Variants in SORCS2 observed in about 807,000 individuals in gnomAD.
The protein encoded by SORCS2 is sortilin related VPS10 domain containing receptor 2, also known as VPS10 domain-containing receptor SorCS2.
In SORCS2, 100 loss-of-function variants were observed where a neutral mutation model predicts 141.6. The ratio of observed to expected loss-of-function variants is 0.71; its 90% CI spans 0.60 to 0.83. SORCS2 has a LOEUF of 0.83. SORCS2 is among the 40% of genes least tolerant of loss of function. The pLI is 0.00. For missense variants in SORCS2, 1,646 were observed against 1,560.2 expected (o/e 1.05, Z -0.93); for synonymous variants, 789 against 676.9 (o/e 1.17, Z -2.57).
intron 17 of SORCS2, 116 bp from the exon 18 acceptor site, chr4:7,717,896 A>AG: frequency 9.0e-7 from 1 of 1,111,624 alleles, no homozygotes; most frequent in Non-Finnish European, 1.2e-6. Context: ...GTAGAGTCCT[A>AG]GGGGTGGGAA....
At chr4:7,204,600 C>T (rs184149113) in intron 1 of SORCS2, among the ~76,000 whole-genome samples, 12 of 152,272 alleles carry the variant, frequency 7.9e-5, no homozygotes, top group Middle Eastern at 3.4e-3. Context: ...ACCCACTTGC[C>T]GGTCAGTAGC....
At chr4:7,709,577 C>T (rs2012275) in intron 14 of SORCS2, among the ~76,000 whole-genome samples, 89,646 of 152,122 alleles carry the variant, frequency 0.59, 27,242 homozygotes, top group African/African-American at 0.76. Flanking sequence ...ATACAAATAA[C>T]TCAAACTGCA....
Position 7,260,454 on chromosome 4 carries a change from G to C in SORCS2, c.480+67328G>C, listed in dbSNP as rs59421365. 2.3e-3 allele frequency among the ~76,000 whole-genome samples: 353 copies of C among 152,318 alleles called. 2 individuals carry two copies. The highest frequency in any genetic ancestry group is 8.2e-3 in the African/African-American group (340 of 41,564). ...CATCAATGGATTGACTGATGGGCTG[G>C]TCTAGGAGTCACTCAACAAACATGT... On this transcript the variant is annotated intron_variant, in intron 1 of 26. Coordinates refer to ENST00000507866, the MANE Select transcript of SORCS2 (RefSeq NM_020777.3).
intron 1 of SORCS2, among the ~76,000 whole-genome samples, chr4:7,326,405 G>T (rs1444330905): frequency 6.6e-6 from 1 of 152,182 alleles, no homozygotes; most frequent in Admixed American, 6.5e-5. Flanking sequence ...AGACTGCAGT[G>T]GTGATGCCAC....
At position 7,192,983 on chromosome 4, in the gene SORCS2, G is replaced by A; in HGVS notation, c.337G>A (p.Gly113Ser). Residue 113 changes from glycine (G) to serine (S), a missense_variant, in exon 1 of 27, where the codon GGC becomes AGC. Physicochemically the swap from Gly to Ser is moderately conservative, Grantham distance 56. Coordinates refer to ENST00000507866, the MANE Select transcript of SORCS2 (RefSeq NM_020777.3). This position sits in a 1 kb window ranked among gnomAD's most constrained non-coding sequence, Gnocchi z 4.0. ...CGGCGAGGACGGCGCCCCCGCCGCGGGCTACCGGCGCTGGGAGCGGGCGGC... is the reference window on the plus strand; with the variant it reads ...CGGCGAGGACGGCGCCCCCGCCGCGAGCTACCGGCGCTGGGAGCGGGCGGC... ...GPGEDGAPAA[G>S]YRRWERAAPL... is the part of the protein sequence containing the mutation. 1 of 1,416,322 alleles carries A rather than the reference G, an allele frequency of 7.1e-7. No individual in the cohort carries two copies. Among genetic ancestry groups the A allele is most frequent in the Non-Finnish European group, 9.1e-7 (1 of 1,093,288 alleles). The allele number at this position is 1,416,322 out of a possible 1,614,324, so 87.7% of individuals were successfully genotyped here.
chr4:7,697,901 A>C (rs1473684646), intron 12 of SORCS2, among the ~76,000 whole-genome samples: 1 of 152,180 alleles, frequency 6.6e-6, no homozygotes, highest in Non-Finnish European at 1.5e-5. Context: ...TCCCACCAGC[A>C]CAGGATGGCC....
chr4:7,658,709 C>A (rs536500932), intron 5 of SORCS2, among the ~76,000 whole-genome samples: 18 of 152,282 alleles, frequency 1.2e-4, no homozygotes, highest in African/African-American at 3.8e-4. Context: ...TATGGATTTC[C>A]CCTGTCCACC....
intron 1 of SORCS2, among the ~76,000 whole-genome samples, chr4:7,247,299 C>T (rs555315730): frequency 2.6e-5 from 4 of 151,176 alleles, no homozygotes; most frequent in Admixed American, 1.3e-4. Flanking sequence ...ATGTTTCTAT[C>T]TTTAATTTTT....
intron 11 of SORCS2, among the ~76,000 whole-genome samples, chr4:7,692,144 G>A (rs1281195779): frequency 6.6e-6 from 1 of 152,212 alleles, no homozygotes; most frequent in Non-Finnish European, 1.5e-5. Context: ...CTCCAGCCCT[G>A]AGCATCTGCT....
rs185868096 is a variant in SORCS2, at chr4:7,402,354, T to C, written c.548+5999T>C. Among the ~76,000 whole-genome samples the C allele has an allele frequency of 1.0e-3, 159 of 152,288 alleles. 2 individuals carry two copies. In the Middle Eastern group the frequency reaches 0.024, roughly 23 times the overall value. ...AAAAACATAAAACACAATATACACA[T>C]CATAATGTATCTTGATTGTCTGTCT... On this transcript the variant is annotated intron_variant, in intron 2 of 26. Transcript: ENST00000507866.
chr4:7,719,901 A>G (rs1250961730), intron 18 of SORCS2, among the ~76,000 whole-genome samples: 1 of 152,136 alleles, frequency 6.6e-6, no homozygotes. Flanking sequence ...GAGAGTGATC[A>G]AAAGATGCTC....
Position 7,363,251 on chromosome 4 carries a change from C to CACCATCATTACTACCATT in SORCS2, c.481-33031_481-33014dup, listed in dbSNP as rs1721701398. Among the ~76,000 whole-genome samples the CACCATCATTACTACCATT allele has an allele frequency of 2.7e-5, 4 of 149,350 alleles. No individual in the cohort carries two copies. The South Asian group carries it at 8.4e-4, about 31-fold the overall frequency. On this transcript the variant is annotated intron_variant, in intron 1 of 26. Transcript: ENST00000507866. ...CCATCATCACCACCATCACCATCAT[C>CACCATCATTACTACCATT]ACCATCATTACTACCATTACCATGA...
At chr4:7,416,597 CTT>C (rs756445156) in intron 2 of SORCS2, among the ~76,000 whole-genome samples, 1 of 152,192 alleles carries the variant, frequency 6.6e-6, no homozygotes, top group Non-Finnish European at 1.5e-5. Context: ...CATGCTCACA[CTT>C]GTGCGTATAC....
At chr4:7,642,877 C>T (rs1437895782) in intron 4 of SORCS2, among the ~76,000 whole-genome samples, 2 of 152,176 alleles carry the variant, frequency 1.3e-5, no homozygotes, top group Non-Finnish European at 2.9e-5. Context: ...TTGCAAACCA[C>T]ACAAGCAGCT....
At chr4:7,555,037 C>T (rs1714006327) in intron 3 of SORCS2, among the ~76,000 whole-genome samples, 1 of 152,158 alleles carries the variant, frequency 6.6e-6, no homozygotes, top group Non-Finnish European at 1.5e-5. Context: ...TGGCAAAACT[C>T]CTGAGGATGG....
chr4:7,543,891 CCCATCCAT>C (rs1560373672), intron 3 of SORCS2, among the ~76,000 whole-genome samples: 23 of 51,462 alleles, frequency 4.5e-4, no homozygotes, highest in African/African-American at 7.0e-4. Flanking sequence ...CACCCACCCA[CCCATCCAT>C]CCATCCACCC....
chr4:7,575,975 G>A (rs138712097), intron 3 of SORCS2, among the ~76,000 whole-genome samples: 151 of 152,238 alleles, frequency 9.9e-4, no homozygotes, highest in Admixed American at 1.6e-3. Flanking sequence ...TGAAAGGGTC[G>A]GTTGATTCTT....
chr4:7,325,951 C>G (rs1400401039), intron 1 of SORCS2, among the ~76,000 whole-genome samples: 1 of 152,096 alleles, frequency 6.6e-6, no homozygotes, highest in East Asian at 1.9e-4. Context: ...GAGTGGGAAC[C>G]TCAATGTCCC....
At chr4:7,690,590 G>A (rs1208757506) in intron 11 of SORCS2, among the ~76,000 whole-genome samples, 1 of 151,854 alleles carries the variant, frequency 6.6e-6, no homozygotes, top group East Asian at 1.9e-4. Flanking sequence ...AGATGGATAG[G>A]TGGATGGGTG....
Sources: allele counts gnomAD v4.1 joint callset (sites outside exome capture counted in the v4.1 genomes callset), GRCh38; gene constraint gnomAD v4.1.1; non-coding constraint Gnocchi (gnomAD v3.1); transcripts MANE v1.5; gene names NCBI Gene and HGNC (gene_info 2026-07-23, HGNC 2026-07-21).